Variants in SLC9A8 observed in about 807,000 individuals in gnomAD.
The protein encoded by SLC9A8 is solute carrier family 9 member A8.
In SLC9A8, 48 loss-of-function variants were observed where a neutral mutation model predicts 66.6. The observed-to-expected ratio is 0.72, with a 90% confidence interval of 0.57 to 0.92. SLC9A8 has a LOEUF of 0.92. Among genes scored for constraint, SLC9A8 ranks in the 40% least tolerant of loss-of-function variants. The probability of loss-of-function intolerance (pLI) is 0.00; values close to 1 mark genes in which losing one functional copy is unlikely to be tolerated. For synonymous variants in SLC9A8, 274 were observed against 282.6 expected, an observed-to-expected ratio of 0.97 and a Z score of 0.31; for missense variants, 599 against 747.3, an observed-to-expected ratio of 0.80 and a Z score of 2.31.
chr20:49,825,050 G>T (rs2086867383), intron 3 of SLC9A8, among the ~76,000 whole-genome samples: 1 of 152,148 alleles, frequency 6.6e-6, no homozygotes, highest in African/African-American at 2.4e-5. Flanking sequence ...AACTACTGTG[G>T]CTCAAAGACA....
rs560627120 is a variant in SLC9A8 at position 49,864,658 on chromosome 20, T to G, written c.853-81T>G. 5.5e-6 allele frequency: 5 copies of G among 901,152 alleles called. No homozygotes were observed. The South Asian group carries it at 6.7e-5, about 12-fold the overall frequency. 55.8% of individuals were successfully genotyped at this position (901,152 alleles called of 1,614,324 possible). A position where few individuals can be genotyped will look rare whatever the true frequency, so the allele number is the denominator to read the frequency against. On this transcript the variant is annotated intron_variant, in intron 9 of 15. Transcript: ENST00000361573. Reference sequence around the variant, plus strand: ...ATATCTGTTGTTTACTTCATATATTTGGAAAGCAGCAGTTTTGTGACTTCT... The same window carrying G: ...ATATCTGTTGTTTACTTCATATATTGGGAAAGCAGCAGTTTTGTGACTTCT...
intron 3 of SLC9A8, chr20:49,831,032 G>A (rs2087160690): frequency 1.4e-6 from 1 of 732,294 alleles, no homozygotes; most frequent in Non-Finnish European, 2.5e-6. Context: ...AAGAGCCAAG[G>A]CACTGGACCA....
At position 49,812,842 on chromosome 20, in the gene SLC9A8, G is replaced by T. The variant is rs1367370083; in HGVS notation, c.-81G>T. The T allele has an allele frequency of 2.7e-6, 4 of 1,463,578 alleles. No individual in the cohort carries two copies. The highest frequency in any genetic ancestry group is 5.8e-5 in the East Asian group (2 of 34,428). The allele number at this position is 1,463,578 out of a possible 1,614,324, so 90.7% of individuals were successfully genotyped here. On this transcript the variant is annotated 5_prime_UTR_variant, in exon 1 of 16. Coordinates refer to ENST00000361573, the MANE Select transcript of SLC9A8 (RefSeq NM_015266.3). ...CCCCGCCTCCCGCTCGCCCGCCCGC[G>T]CCTCCAGCGGAAGCCGGAAGCAAAA...
intron 6 of SLC9A8, 117 bp from the exon 7 acceptor site, chr20:49,850,693 C>G (rs1422708860): frequency 1.5e-6 from 2 of 1,323,652 alleles, no homozygotes; most frequent in Non-Finnish European, 2.1e-6. Context: ...GGTTTGGGAA[C>G]TGAAGATTAA....
chr20:49,882,689 C>T (rs2089674937), intron 13 of SLC9A8, among the ~76,000 whole-genome samples: 1 of 152,188 alleles, frequency 6.6e-6, no homozygotes, highest in Admixed American at 6.5e-5. Flanking sequence ...CTTTGCATCC[C>T]CCTTGCCCAA....
intron 7 of SLC9A8, among the ~76,000 whole-genome samples, chr20:49,855,041 ACAGCATT>A (rs2088413397): frequency 6.6e-6 from 1 of 152,190 alleles, no homozygotes; most frequent in East Asian, 1.9e-4. Context: ...TCGGTCACGG[ACAGCATT>A]CCAAGGGGCT....
intron 12 of SLC9A8, among the ~76,000 whole-genome samples, chr20:49,878,747 C>T (rs1251081774): frequency 1.3e-5 from 2 of 152,116 alleles, no homozygotes; most frequent in African/African-American, 2.4e-5. Context: ...AGGCTGGGCG[C>T]GGTGGCTCAC....
At chr20:49,858,778 T>G (rs1366194747) in intron 8 of SLC9A8, among the ~76,000 whole-genome samples, 1 of 151,774 alleles carries the variant, frequency 6.6e-6, no homozygotes, top group Non-Finnish European at 1.5e-5. Context: ...GCCAACGTGG[T>G]GAAACCCTGT....
chr20:49,813,080 C>T (rs1354515914), intron 1 of SLC9A8, 132 bp downstream of exon 1: 3 of 205,030 alleles, frequency 1.5e-5, no homozygotes, highest in African/African-American at 2.5e-5. Context: ...CTGACCAAGC[C>T]GGTGCCTACG....
chr20:49,874,567 G>C (rs2089346926), intron 10 of SLC9A8, 138 bp from the exon 11 acceptor site: 1 of 672,028 alleles, frequency 1.5e-6, no homozygotes, highest in Non-Finnish European at 2.7e-6. Flanking sequence ...TGAAGCCTCT[G>C]GGAGGCTTCA....
In SLC9A8 at chr20:49,889,195, A is replaced by C. The variant is rs2089987955; in HGVS notation, c.*1259A>C. On this transcript the variant is annotated 3_prime_UTR_variant, in exon 16 of 16. Transcript: ENST00000361573. ...TGACGAGCCTCAAACTGCTCAGCTC[A>C]TCAAAGAGCCATTGCCAACTTCCGT... 1 of 152,268 alleles carries C rather than the reference A, an allele frequency of 6.6e-6. No homozygotes were observed. Among genetic ancestry groups the C allele is most frequent in the Non-Finnish European group, 1.5e-5 (1 of 68,046 alleles). The allele number at this position is 152,268 out of a possible 1,614,324, so 9.4% of individuals were successfully genotyped here.
chr20:49,829,812 G>A (rs1472525648), intron 3 of SLC9A8: 3 of 557,118 alleles, frequency 5.4e-6, no homozygotes, highest in South Asian at 1.4e-5. Context: ...GTGATGAGAA[G>A]TGCAAACAGC....
At chr20:49,841,316 A>G (rs1012442581) in intron 4 of SLC9A8, among the ~76,000 whole-genome samples, 2 of 151,620 alleles carry the variant, frequency 1.3e-5, no homozygotes, top group African/African-American at 4.8e-5. Context: ...GTCTCTAAAA[A>G]AAAAAAAAAA....
intron 3 of SLC9A8, chr20:49,830,007 T>C: frequency 1.6e-6 from 1 of 636,328 alleles, no homozygotes; most frequent in Non-Finnish European, 3.1e-6. Context: ...TTGAAGTGGA[T>C]GATGGCCGGA....
At chr20:49,864,650 C>A in intron 9 of SLC9A8, 89 bp from the exon 10 acceptor site, 1 of 840,680 alleles carries the variant, frequency 1.2e-6, no homozygotes, top group Non-Finnish European at 2.1e-6. Flanking sequence ...TTGTTTACTT[C>A]ATATATTTGG....
intron 2 of SLC9A8, among the ~76,000 whole-genome samples, chr20:49,821,473 C>T (rs1237330006): frequency 1.3e-5 from 2 of 152,058 alleles, no homozygotes; most frequent in Non-Finnish European, 2.9e-5. Context: ...GTTTAAAGCA[C>T]AGAATGAAAA....
chr20:49,831,402 ACTCTCTCT>A (rs11469884), intron 3 of SLC9A8, among the ~76,000 whole-genome samples: 238 of 142,832 alleles, frequency 1.7e-3, no homozygotes, highest in East Asian at 3.3e-3. Context: ...ACACACACAC[ACTCTCTCT>A]CTCTCTCTCT....
chr20:49,840,492 C>T (rs1356215389), intron 4 of SLC9A8, among the ~76,000 whole-genome samples: 1 of 152,162 alleles, frequency 6.6e-6, no homozygotes, highest in African/African-American at 2.4e-5. Flanking sequence ...ACCTGTGAAA[C>T]TGTAGAGTGT....
intron 4 of SLC9A8, among the ~76,000 whole-genome samples, chr20:49,841,593 CT>C (rs2087764023): frequency 6.6e-6 from 1 of 151,474 alleles, no homozygotes; most frequent in Admixed American, 6.6e-5. Flanking sequence ...TTATTTATTT[CT>C]TATTTTCTTT....
Sources: gnomAD v4.1 joint callset for allele counts (sites outside exome capture counted in the v4.1 genomes callset) on GRCh38, gnomAD v4.1.1 for gene constraint, MANE v1.5 for transcripts, NCBI Gene and HGNC (gene_info 2026-07-23, HGNC 2026-07-21) for gene names.